ZNF655: variants seen among roughly 807,000 people sequenced by gnomAD.
ZNF655 encodes zinc finger protein 655, also known as Vav-interacting Kruppel-like protein 1.
A neutral mutation model predicts 6.6 loss-of-function variants in ZNF655; 3 were observed. The ratio of observed to expected loss-of-function variants is 0.46; its 90% CI spans 0.21 to 1.18. ZNF655 has a LOEUF of 1.18. ZNF655 is among the 50% of genes most tolerant of loss of function. ZNF655 has a pLI of 0.24. For synonymous variants in ZNF655, 178 were observed against 195.0 expected, an observed-to-expected ratio of 0.91 and a Z score of 0.73; for missense variants, 526 against 572.3, an observed-to-expected ratio of 0.92 and a Z score of 0.83.
rs1804233267 is a variant in ZNF655 at position 99,573,475 on chromosome 7, A to T, written c.1367A>T (p.Glu456Val). The T allele has an allele frequency of 4.3e-6, 7 of 1,613,770 alleles. No homozygotes were observed. Among genetic ancestry groups the T allele is most frequent in the Non-Finnish European group, 5.9e-6 (7 of 1,180,020 alleles). The stretch of plus-strand genomic sequence containing the variant: ...AGCTCAGATCTTATCCTGCAACAAG[A>T]AGTCCTCACCAGACAGAAAGCCTTT... ...SHSSDLILQQ[E>V]VLTRQKAFDC... The change falls in exon 3 of 3, where the codon GAA (glutamate) becomes GTA (valine). Residue 456 changes from glutamate to valine, a missense_variant. Physicochemically the swap from Glu to Val is moderately radical, Grantham distance 121 (BLOSUM62 -2). Coordinates refer to ENST00000252713, the MANE Select transcript of ZNF655 (RefSeq NM_138494.3).
chr7:99,561,358 C>G (rs1213167869), intron 2 of ZNF655, among the ~76,000 whole-genome samples: 2 of 152,166 alleles, frequency 1.3e-5, no homozygotes, highest in African/African-American at 4.8e-5. Context: ...CCACACAGAT[C>G]AAGTGCCACA....
intron 2 of ZNF655, chr7:99,564,596 G>A: frequency 2.0e-6 from 2 of 985,414 alleles, no homozygotes; most frequent in Non-Finnish European, 2.4e-6. Context: ...TTATTTCAGG[G>A]CATCAAATTG....
rs149822831 is a variant in ZNF655, at chr7:99,572,521, T to C, written c.413T>C (p.Phe138Ser). The change falls in exon 3 of 3, where the codon TTC (phenylalanine) becomes TCC (serine). Residue 138 changes from phenylalanine to serine, a missense_variant. By Grantham distance (155) the Phe-to-Ser change is radical (BLOSUM62 -2). Transcript: ENST00000252713. ...GAATGTCATGAACCCGAAAAAAGCT[T>C]CAGTCTGGACTCTACTATTGATGCA... Reference protein sequence around the residue: ...NNECHEPEKSFSLDSTIDADQ... With the variant: ...NNECHEPEKSSSLDSTIDADQ... The C allele has an allele frequency of 4.3e-4, 692 of 1,613,986 alleles. 5 individuals are homozygous for C. In the East Asian group the frequency reaches 0.015, roughly 34 times the overall value.
chr7:99,562,540 C>T, intron 2 of ZNF655: 1 of 1,587,176 alleles, frequency 6.3e-7, no homozygotes, highest in African/African-American at 1.4e-5. Flanking sequence ...AATTTCTTTA[C>T]TTTCTTGTTT....
At chr7:99,559,920 A>C (rs1369133701) in intron 1 of ZNF655, among the ~76,000 whole-genome samples, 2 of 150,876 alleles carry the variant, frequency 1.3e-5, no homozygotes, top group African/African-American at 2.4e-5. Context: ...GAGCCACCGC[A>C]CGTGGCCAAT....
At chr7:99,562,547 G>C in intron 2 of ZNF655, 1 of 1,577,244 alleles carries the variant, frequency 6.3e-7, no homozygotes, top group Non-Finnish European at 8.6e-7. Context: ...TTACTTTCTT[G>C]TTTCTTCCTA....
At chr7:99,559,747 C>T (rs985703503) in intron 1 of ZNF655, among the ~76,000 whole-genome samples, 8 of 151,598 alleles carry the variant, frequency 5.3e-5, no homozygotes, top group African/African-American at 1.7e-4. Context: ...CCTGCCTTGG[C>T]CTTTGGAGTA....
intron 2 of ZNF655, chr7:99,561,857 TCTCA>T: frequency 7.0e-7 from 1 of 1,422,918 alleles, no homozygotes; most frequent in East Asian, 2.7e-5. Context: ...AAAGGGCTGC[TCTCA>T]CTCTTCACTC....
chr7:99,564,444 TG>T (rs1473076192), intron 2 of ZNF655: 1 of 1,013,594 alleles, frequency 9.9e-7, no homozygotes, highest in African/African-American at 1.7e-5. Flanking sequence ...GAAGTCCCTG[TG>T]GCCCTCTTCA....
At position 99,573,605 on chromosome 7, in the gene ZNF655, T is replaced by A. The variant is rs764670239; in HGVS notation, c.*21T>A. On this transcript the variant is annotated 3_prime_UTR_variant, in exon 3 of 3. Coordinates refer to ENST00000252713, the MANE Select transcript of ZNF655 (RefSeq NM_138494.3). ...CATGAATGTAATGAAGATGGGAAGA[T>A]ATTTATCAAATTCAGGCTTCATTCA... The A allele has an allele frequency of 6.3e-7, 1 of 1,583,168 alleles. No homozygotes were observed. The highest frequency in any genetic ancestry group is 8.5e-7 in the Non-Finnish European group (1 of 1,170,884).
Position 99,576,121 on chromosome 7 carries a change from C to G in ZNF655, c.*2537C>G, listed in dbSNP as rs766129925. On this transcript the variant is annotated 3_prime_UTR_variant, in exon 3 of 3. Transcript: ENST00000252713. ...AATATGTTGCTCACTCTATAATCCT[C>G]CTATGGCTAACCTCTAGGATAGTTC... 6.6e-6 allele frequency: 1 copy of G among 152,318 alleles called. No individual in the cohort carries two copies. Among genetic ancestry groups the G allele is most frequent in the African/African-American group, 2.4e-5 (1 of 41,442 alleles). 9.4% of individuals were successfully genotyped at this position (152,318 alleles called of 1,614,324 possible). A position where few individuals can be genotyped will look rare whatever the true frequency, so the allele number is the denominator to read the frequency against.
Position 99,574,043 on chromosome 7 carries a change from C to A in ZNF655, c.*459C>A, listed in dbSNP as rs563811579. 1.2e-3 allele frequency: 190 copies of A among 158,826 alleles called. No homozygotes were observed. The highest frequency in any genetic ancestry group is 4.1e-3 in the African/African-American group (171 of 41,592). 9.8% of individuals were successfully genotyped at this position (158,826 alleles called of 1,614,324 possible). ...TGTGTGAGGAGATTCAGTCATAACCCAACGCTCATTCAACATCAAAGAATT... is the reference window on the plus strand; with the variant it reads ...TGTGTGAGGAGATTCAGTCATAACCAAACGCTCATTCAACATCAAAGAATT... On this transcript the variant is annotated 3_prime_UTR_variant, in exon 3 of 3. Transcript: ENST00000252713.
chr7:99,572,687 A>C lies in ZNF655; in HGVS notation c.579A>C (p.Leu193Phe). 6.2e-7 allele frequency: 1 copy of C among 1,613,628 alleles called. No individual in the cohort carries two copies. The highest frequency in any genetic ancestry group is 1.7e-5 in the Admixed American group (1 of 60,014). ...AGAGTAGTGAATGTAAGGAAAGCTT[A>C]ATGGATCTCTCCCACCTTAATAAAT... ...DFQSSECKES[L>F]MDLSHLNKWE... Residue 193 changes from leucine (L) to phenylalanine (F), a missense_variant, in exon 3 of 3, where the codon TTA becomes TTC. Coordinates refer to ENST00000252713, the MANE Select transcript of ZNF655 (RefSeq NM_138494.3).
chr7:99,559,523 C>T (rs766411465), intron 1 of ZNF655, among the ~76,000 whole-genome samples: 1 of 152,090 alleles, frequency 6.6e-6, no homozygotes, highest in East Asian at 1.9e-4. Context: ...CATAGCGAGA[C>T]TCCCATCTCT....
Position 99,560,577 on chromosome 7 carries a change from C to T in ZNF655, c.18C>T (p.Ala6=), listed in dbSNP as rs1303537186. ...GAGCAGTGATGGAGGAAATACCAGCCCAGGAAGCAGCAGGGTCACCAAGGG... is the reference window on the plus strand; with the variant it reads ...GAGCAGTGATGGAGGAAATACCAGCTCAGGAAGCAGCAGGGTCACCAAGGG... MEEIP[A]QEAAGSPRVQ... Residue 6 remains alanine, a synonymous_variant, in exon 2 of 3, where the codon GCC becomes GCT. Coordinates refer to ENST00000252713, the MANE Select transcript of ZNF655 (RefSeq NM_138494.3). The T allele has an allele frequency of 6.2e-7, 1 of 1,613,872 alleles. No individual in the cohort carries two copies. Among genetic ancestry groups the T allele is most frequent in the East Asian group, 2.2e-5 (1 of 44,872 alleles).
rs747015316 is a variant in ZNF655 at position 99,572,340 on chromosome 7, C to T, written c.232C>T (p.His78Tyr). 1.9e-5 allele frequency: 30 copies of T among 1,612,920 alleles called. No homozygotes were observed. The highest frequency in any genetic ancestry group is 2.5e-5 in the Non-Finnish European group (29 of 1,179,710). The stretch of plus-strand genomic sequence containing the variant: ...CAAAGTGAGAGTAGGAAGACTCAAA[C>T]ACGATATTACCCAAGTTCCTGAGAC... ...SYKVRVGRLK[H>Y]DITQVPETRE... Residue 78 changes from histidine to tyrosine, a missense_variant, in exon 3 of 3, where the codon CAC becomes TAC. His to Tyr is a moderately conservative substitution (Grantham distance 83). Coordinates refer to ENST00000252713, the MANE Select transcript of ZNF655 (RefSeq NM_138494.3).
chr7:99,567,462 G>C (rs1803713390), intron 2 of ZNF655, among the ~76,000 whole-genome samples: 1 of 151,922 alleles, frequency 6.6e-6, no homozygotes, highest in Non-Finnish European at 1.5e-5. Flanking sequence ...GAACCCAGGA[G>C]GTGGAGTTGA....
rs1236300240 is a variant in ZNF655 at position 99,573,240 on chromosome 7, A to G, written c.1132A>G (p.Lys378Glu). Residue 378 changes from lysine to glutamate, a missense_variant, in exon 3 of 3, where the codon AAG becomes GAG. Transcript: ENST00000252713. Reference sequence around the variant, plus strand: ...ACAACAAGGAATTCATTTCAGAGAAAAGCCCTATACGTGTAGTGAATGTGG... The same window carrying G: ...ACAACAAGGAATTCATTTCAGAGAAGAGCCCTATACGTGTAGTGAATGTGG... ...IKQQGIHFRE[K>E]PYTCSECGKD... 1 of 1,614,154 alleles carries G rather than the reference A, an allele frequency of 6.2e-7. No homozygotes were observed. Among genetic ancestry groups the G allele is most frequent in the African/African-American group, 1.3e-5 (1 of 75,056 alleles).
At position 99,573,635 on chromosome 7, in the gene ZNF655, C is replaced by G. The variant is rs748412091; in HGVS notation, c.*51C>G. On this transcript the variant is annotated 3_prime_UTR_variant, in exon 3 of 3. Coordinates refer to ENST00000252713, the MANE Select transcript of ZNF655 (RefSeq NM_138494.3). Reference sequence around the variant, plus strand: ...ATCAAATTCAGGCTTCATTCAGCATCTGAGAGTTCACACCAGGGAGAAATC... The same window carrying G: ...ATCAAATTCAGGCTTCATTCAGCATGTGAGAGTTCACACCAGGGAGAAATC... 2 of 1,556,514 alleles carry G rather than the reference C, an allele frequency of 1.3e-6. No homozygotes were observed. Among genetic ancestry groups the G allele is most frequent in the Non-Finnish European group, 1.7e-6 (2 of 1,158,806 alleles).
Sources: allele counts gnomAD v4.1 joint callset (sites outside exome capture counted in the v4.1 genomes callset), GRCh38; gene constraint gnomAD v4.1.1; transcripts MANE v1.5; gene names NCBI Gene and HGNC (gene_info 2026-07-23, HGNC 2026-07-21).